ZNF777: variants seen among roughly 807,000 people sequenced by gnomAD.
ZNF777 encodes the protein zinc finger protein 777.
A neutral mutation model predicts 72.1 loss-of-function variants in ZNF777; 7 were observed. The ratio of observed to expected loss-of-function variants is 0.10; its 90% CI spans 0.06 to 0.18. The LOEUF is 0.18. ZNF777 is among the 10% of genes least tolerant of loss of function. The pLI is 1.00. For missense variants in ZNF777, 828 were observed against 1,128.6 expected (o/e 0.73, Z 3.82); for synonymous variants, 545 against 483.5 (o/e 1.13, Z -1.67).
At chr7:149,458,370 A>T (rs1040118237) in intron 1 of ZNF777, among the ~76,000 whole-genome samples, 11 of 152,206 alleles carry the variant, frequency 7.2e-5, no homozygotes, top group African/African-American at 2.4e-4. Context: ...AACGCAACAC[A>T]ATAGGCACAT....
chr7:149,439,648 A>G (rs1029706855), intron 4 of ZNF777, among the ~76,000 whole-genome samples: 1 of 152,210 alleles, frequency 6.6e-6, no homozygotes, highest in Non-Finnish European at 1.5e-5. Context: ...ATCCTAATAG[A>G]ACATATTTGT....
At chr7:149,456,273 T>C (rs1233904601) in intron 1 of ZNF777, among the ~76,000 whole-genome samples, 1 of 152,058 alleles carries the variant, frequency 6.6e-6, no homozygotes, top group Admixed American at 6.6e-5. Context: ...CACAGAGCCA[T>C]CTCCTTTTTC....
chr7:149,450,314 G>A (rs758845399), intron 4 of ZNF777, among the ~76,000 whole-genome samples: 6 of 152,184 alleles, frequency 3.9e-5, no homozygotes, highest in South Asian at 4.1e-4. Flanking sequence ...CACCAACAGC[G>A]GCTGGTGTAT....
chr7:149,443,215 CACG>C (rs1799553422), intron 4 of ZNF777, among the ~76,000 whole-genome samples: 1 of 142,812 alleles, frequency 7.0e-6, no homozygotes, highest in African/African-American at 2.6e-5. Flanking sequence ...TGAAAAAGAA[CACG>C]ACAAATTTAT....
intron 1 of ZNF777, among the ~76,000 whole-genome samples, chr7:149,459,508 C>G (rs1018213622): frequency 5.9e-5 from 9 of 152,096 alleles, no homozygotes; most frequent in Non-Finnish European, 8.8e-5. Context: ...CGGCCTCCCC[C>G]GCCGCCCCCG....
intron 3 of ZNF777, among the ~76,000 whole-genome samples, chr7:149,452,981 C>T (rs1013151910): frequency 4.6e-5 from 7 of 152,240 alleles, no homozygotes; most frequent in East Asian, 1.9e-4. Flanking sequence ...TAATGGTTCA[C>T]GTGGAACACT....
In ZNF777 at chr7:149,431,982, G is replaced by GGTGCTTGCGGATGAAGCTC; in HGVS notation, c.2271_2289dup (p.His764GlufsTer114). On this transcript the variant is annotated frameshift_variant, in exon 6 of 6. Transcript: ENST00000247930. LOFTEE classifies it high-confidence loss of function. ...TGGATGCGCCGGTGTTCCAGGAGGT[G>GGTGCTTGCGGATGAAGCTC]GTGCTTGCGGATGAAGCTCTTGCCG... is the stretch of plus-strand genomic sequence containing the variant. 1 of 1,610,866 alleles carries GGTGCTTGCGGATGAAGCTC rather than the reference G, an allele frequency of 6.2e-7. No homozygotes were observed. The highest frequency in any genetic ancestry group is 8.5e-7 in the Non-Finnish European group (1 of 1,179,510).
At position 149,432,670 on chromosome 7, in the gene ZNF777, G is replaced by A; in HGVS notation, c.1602C>T (p.Ser534=). ...RHLSENRGAS[S]QQQRNRRGER... ...CGCCGCGCCGGTTCCGCTGCTGCTG[G>A]CTCGAGGCCCCGCGGTTCTCGCTCA... The change falls in exon 6 of 6, where the codon AGC becomes AGT. Residue 534 remains serine, a synonymous_variant. Coordinates refer to ENST00000247930, the MANE Select transcript of ZNF777 (RefSeq NM_015694.3). 1.2e-6 allele frequency: 2 copies of A among 1,613,264 alleles called. No homozygotes were observed. Among genetic ancestry groups the A allele is most frequent in the Non-Finnish European group, 1.7e-6 (2 of 1,179,678 alleles).
At chr7:149,435,656 A>C (rs1799397281) in intron 5 of ZNF777, among the ~76,000 whole-genome samples, 1 of 152,202 alleles carries the variant, frequency 6.6e-6, no homozygotes, top group Non-Finnish European at 1.5e-5. Context: ...ATACAATACA[A>C]ACGTAATGGT....
At chr7:149,451,244 C>G in intron 3 of ZNF777, 132 bp from the exon 4 acceptor site, 3 of 742,054 alleles carry the variant, frequency 4.0e-6, no homozygotes, top group Non-Finnish European at 6.7e-6. Flanking sequence ...ACCGCCAAGT[C>G]TCCCCTTCTT....
At position 149,432,746 on chromosome 7, in the gene ZNF777, C is replaced by T. The variant is rs759275419; in HGVS notation, c.1526G>A (p.Gly509Glu). 1.9e-6 allele frequency: 3 copies of T among 1,611,454 alleles called. No individual in the cohort carries two copies. The highest frequency in any genetic ancestry group is 1.7e-6 in the Non-Finnish European group (2 of 1,178,192). Residue 509 changes from glycine to glutamate, a missense_variant, in exon 6 of 6, where the codon GGA becomes GAA. Physicochemically the swap from Gly to Glu is moderately conservative, Grantham distance 98. Around this residue, in one of 12 missense-constraint regions of ZNF777, gnomAD observed 219 missense variants for 223.0 expected, o/e 0.98. Transcript: ENST00000247930. ...GEESPPPLQL[G>E]NPAVKRLAPS... Reference sequence around the variant, plus strand: ...CGCCAGCCTTTTCACTGCGGGGTTTCCTAGCTGCAGGGGCGGGGGGCTCTC... The same window carrying T: ...CGCCAGCCTTTTCACTGCGGGGTTTTCTAGCTGCAGGGGCGGGGGGCTCTC...
Position 149,436,540 on chromosome 7 carries a change from C to A in ZNF777, c.1339+35G>T. The stretch of plus-strand genomic sequence containing the variant: ...AGGGGCCCTCTGGGAGGCCTCATGG[C>A]AACCCTTCCCCGGCCGTCCCCGCCC... On this transcript the variant is annotated intron_variant, in intron 5 of 5. Transcript: ENST00000247930. This position sits in a 1 kb window ranked among gnomAD's most constrained non-coding sequence, Gnocchi z 5.0. 6.4e-7 allele frequency: 1 copy of A among 1,555,742 alleles called. No homozygotes were observed.
chr7:149,456,141 T>G, intron 1 of ZNF777, 104 bp from the exon 2 acceptor site: 1 of 1,264,526 alleles, frequency 7.9e-7, no homozygotes, highest in Non-Finnish European at 1.1e-6. Flanking sequence ...TTCCGTTTGG[T>G]AGCAATAATA....
intron 1 of ZNF777, among the ~76,000 whole-genome samples, chr7:149,458,079 T>C (rs1799866930): frequency 6.6e-6 from 1 of 152,190 alleles, no homozygotes; most frequent in African/African-American, 2.4e-5. Context: ...TTGATAGGGT[T>C]GGGAGAGGTG....
chr7:149,445,119 C>G (rs1799581092), intron 4 of ZNF777, among the ~76,000 whole-genome samples: 1 of 151,712 alleles, frequency 6.6e-6, no homozygotes, highest in Non-Finnish European at 1.5e-5. Context: ...GTGTGCTTAT[C>G]CTCCAACACT....
At chr7:149,457,895 A>G (rs7811692) in intron 1 of ZNF777, among the ~76,000 whole-genome samples, 144,179 of 152,296 alleles carry the variant, frequency 0.95, 68,366 homozygotes, top group East Asian at 1. Context: ...GACAGGAGAG[A>G]CTAAGCAACT....
Position 149,432,922 on chromosome 7 carries a change from C to A in ZNF777, c.1350G>T (p.Val450=), listed in dbSNP as rs1449999986. 1 of 1,484,054 alleles carries A rather than the reference C, an allele frequency of 6.7e-7. No individual in the cohort carries two copies. Among genetic ancestry groups the A allele is most frequent in the Admixed American group, 2.5e-5 (1 of 39,406 alleles). 91.9% of individuals were successfully genotyped at this position (1,484,054 alleles called of 1,614,324 possible). A position where few individuals can be genotyped will look rare whatever the true frequency, so the allele number is the denominator to read the frequency against. Residue 450 remains valine (V), a synonymous_variant, in exon 6 of 6, where the codon GTG becomes GTT. Transcript: ENST00000247930. Reference sequence around the variant, plus strand: ...CCTCGTCTTGTTCCTCTGTCTTGATCACGATCCCCTCTGCTCCAGGGACAG... The same window carrying A: ...CCTCGTCTTGTTCCTCTGTCTTGATAACGATCCCCTCTGCTCCAGGGACAG... ...VQQRNCTEGI[V]IKTEEQDEEE...
chr7:149,456,523 A>G (rs1799836798), intron 1 of ZNF777, among the ~76,000 whole-genome samples: 1 of 152,196 alleles, frequency 6.6e-6, no homozygotes, highest in South Asian at 2.1e-4. Flanking sequence ...TTGAGAAACA[A>G]AAGAGCAGAA....
In ZNF777 at chr7:149,436,881, C is replaced by T; in HGVS notation, c.1088-55G>A. The T allele has an allele frequency of 6.4e-7, 1 of 1,569,976 alleles. No individual in the cohort carries two copies. The highest frequency in any genetic ancestry group is 8.7e-7 in the Non-Finnish European group (1 of 1,151,622). ...AGAAAAGAACCCAGAATGTTCATGC[C>T]AACTGCCCAGGTTTCTGCAGCCCTA... On this transcript the variant is annotated intron_variant, in intron 4 of 5. Coordinates refer to ENST00000247930, the MANE Select transcript of ZNF777 (RefSeq NM_015694.3). This position sits in a 1 kb window ranked among gnomAD's most constrained non-coding sequence, Gnocchi z 5.0.
Sources: gnomAD v4.1 joint callset for allele counts (sites outside exome capture counted in the v4.1 genomes callset) on GRCh38, gnomAD v4.1.1 for gene constraint, gnomAD v4.1.1 regional missense constraint, Gnocchi (gnomAD v3.1) non-coding constraint, MANE v1.5 for transcripts, NCBI Gene and HGNC (gene_info 2026-07-23, HGNC 2026-07-21) for gene names.